Variants in CRYBG3 observed in about 807,000 individuals in gnomAD.
CRYBG3 encodes the protein very large A-kinase anchor protein.
In CRYBG3, 127 loss-of-function variants were observed where a neutral mutation model predicts 244.2. That is an observed-to-expected ratio of 0.52 (90% CI 0.45 to 0.60). The LOEUF is 0.60. Ranked by LOEUF, CRYBG3 falls within the 20% of genes least tolerant of loss-of-function variation. CRYBG3 has a pLI of 0.00. For missense variants in CRYBG3, 3,325 were observed against 3,442.5 expected (o/e 0.97, Z 0.85); for synonymous variants, 1,132 against 1,195.8 (o/e 0.95, Z 1.10).
intron 1 of CRYBG3, among the ~76,000 whole-genome samples, chr3:97,837,573 G>A (rs564498986): frequency 5.9e-5 from 9 of 152,234 alleles, no homozygotes; most frequent in East Asian, 1.9e-4. Flanking sequence ...AGTTTTGAGC[G>A]GGGTTGGAAA....
At chr3:97,840,455 G>A (rs1478862501) in intron 1 of CRYBG3, among the ~76,000 whole-genome samples, 2 of 152,054 alleles carry the variant, frequency 1.3e-5, no homozygotes, top group African/African-American at 4.8e-5. Flanking sequence ...ATTTCTTTTG[G>A]TGATTTTAAC....
chr3:97,912,372 A>G (rs1164774924), intron 16 of CRYBG3, 96 bp downstream of exon 16: 1 of 538,482 alleles, frequency 1.9e-6, no homozygotes, highest in East Asian at 3.3e-5. Flanking sequence ...TGAATCCTTA[A>G]AATTTATCTT....
intron 2 of CRYBG3, among the ~76,000 whole-genome samples, chr3:97,850,217 C>T (rs1396022496): frequency 6.6e-6 from 1 of 152,076 alleles, no homozygotes; most frequent in African/African-American, 2.4e-5. Flanking sequence ...CATCAACGGC[C>T]CTTCCTTCAT....
chr3:97,931,937 A>G, intron 17 of CRYBG3, among the ~76,000 whole-genome samples: 1 of 152,018 alleles, frequency 6.6e-6, no homozygotes, highest in East Asian at 1.9e-4. Context: ...TGTCAGACAG[A>G]TTGCCTGAAG....
intron 15 of CRYBG3, among the ~76,000 whole-genome samples, chr3:97,906,257 A>G (rs2039773787): frequency 7.7e-6 from 1 of 129,432 alleles, no homozygotes. Flanking sequence ...TGAACTTTAA[A>G]GTAGTTTTTT....
In CRYBG3 at chr3:97,871,891, C is replaced by G. The variant is rs1366714345; in HGVS notation, c.697C>G (p.Arg233Gly). The part of the protein sequence containing the change: ...EKPSVTYATY[R>G]GPRHIGKYLK... The stretch of plus-strand genomic sequence containing the variant: ...GCCTTCAGTAACATATGCAACATAT[C>G]GAGGCCCAAGACACATTGGGAAATA... Residue 233 changes from arginine (R) to glycine (G), a missense_variant, in exon 4 of 22, where the codon CGA becomes GGA. Physicochemically the swap from Arg to Gly is moderately radical, Grantham distance 125. Coordinates refer to ENST00000389622, the MANE Select transcript of CRYBG3 (RefSeq NM_153605.4). 2 of 1,530,080 alleles carry G rather than the reference C, an allele frequency of 1.3e-6. No individual in the cohort carries two copies. The highest frequency in any genetic ancestry group is 2.4e-5 in the East Asian group (1 of 40,884). The allele number at this position is 1,530,080 out of a possible 1,614,324, so 94.8% of individuals were successfully genotyped here.
At chr3:97,920,221 G>A (rs1476168779) in intron 17 of CRYBG3, among the ~76,000 whole-genome samples, 1 of 152,052 alleles carries the variant, frequency 6.6e-6, no homozygotes, top group African/African-American at 2.4e-5. Flanking sequence ...GAATTAGATG[G>A]CATAACAAAC....
intron 17 of CRYBG3, among the ~76,000 whole-genome samples, chr3:97,916,489 C>T (rs960707802): frequency 2.6e-5 from 4 of 152,140 alleles, no homozygotes; most frequent in African/African-American, 9.7e-5. Context: ...GGCCCCTAGT[C>T]AATAGGATCT....
At chr3:97,853,479 T>C (rs918956998) in intron 2 of CRYBG3, among the ~76,000 whole-genome samples, 8 of 151,966 alleles carry the variant, frequency 5.3e-5, no homozygotes, top group Non-Finnish European at 8.8e-5. Flanking sequence ...TTAGGCTGGT[T>C]CCATATTTTT....
At chr3:97,824,434 G>A (rs189756620) in intron 1 of CRYBG3, among the ~76,000 whole-genome samples, 1 of 152,278 alleles carries the variant, frequency 6.6e-6, no homozygotes, top group East Asian at 1.9e-4. Context: ...TATGAGACCC[G>A]TAAAAGTCGA....
At chr3:97,893,128 A>G in intron 11 of CRYBG3, 135 bp downstream of exon 11, 1 of 734,130 alleles carries the variant, frequency 1.4e-6, no homozygotes, top group Non-Finnish European at 2.2e-6. Context: ...GAAAGTAAAA[A>G]ATATTAGTTA....
rs1316557338 is a variant in CRYBG3 at position 97,889,407 on chromosome 3, T to C, written c.7440+17T>C. On this transcript the variant is annotated intron_variant, in intron 10 of 21. Coordinates refer to ENST00000389622, the MANE Select transcript of CRYBG3 (RefSeq NM_153605.4). ...AACTTAAAGGTAAGTCTTGGACTGA[T>C]TTTTGTAGCAGGCTAAAGAGTCTCA... 1 of 1,597,994 alleles carries C rather than the reference T, an allele frequency of 6.3e-7. No homozygotes were observed. Among genetic ancestry groups the C allele is most frequent in the South Asian group, 1.1e-5 (1 of 90,592 alleles).
At chr3:97,878,074 T>C (rs577826929) in intron 4 of CRYBG3, 37 bp downstream of exon 4, 1 of 1,517,890 alleles carries the variant, frequency 6.6e-7, no homozygotes, top group African/African-American at 1.4e-5. Context: ...TAATAGTTAT[T>C]AAAGCTTTGG....
intron 1 of CRYBG3, among the ~76,000 whole-genome samples, chr3:97,828,041 A>ATT (rs2038601648): frequency 6.6e-6 from 1 of 152,200 alleles, no homozygotes; most frequent in Admixed American, 6.5e-5. Context: ...AAATGCACAC[A>ATT]TTTATGCAGG....
rs529146889 is a variant in CRYBG3, at chr3:97,877,204, G to A, written c.6010G>A (p.Glu2004Lys). ...AAATTCTTCCTTTACTATATTATAC[G>A]AAGAGCCCCTTCAAGAGGAGGACAA... ...QENSSFTILY[E>K]EPLQEEDKYA... Residue 2004 changes from glutamate (E) to lysine (K), a missense_variant, in exon 4 of 22, where the codon GAA becomes AAA. By Grantham distance (56) the Glu-to-Lys change is moderately conservative. Transcript: ENST00000389622. The A allele has an allele frequency of 4.3e-6, 7 of 1,613,782 alleles. No homozygotes were observed. In the South Asian group the frequency reaches 4.4e-5, roughly 10 times the overall value.
intron 8 of CRYBG3, among the ~76,000 whole-genome samples, chr3:97,887,787 A>G (rs963943571): frequency 1.3e-5 from 2 of 152,032 alleles, no homozygotes; most frequent in African/African-American, 2.4e-5. Flanking sequence ...AAAACAAAAA[A>G]CAACTTTGGG....
chr3:97,917,125 A>T (rs1575964278), intron 17 of CRYBG3, among the ~76,000 whole-genome samples: 1 of 152,140 alleles, frequency 6.6e-6, no homozygotes, highest in Non-Finnish European at 1.5e-5. Flanking sequence ...AAACCAACAA[A>T]ATTTCTAGGG....
At chr3:97,896,739 T>C (rs2039644584) in intron 12 of CRYBG3, among the ~76,000 whole-genome samples, 2 of 152,214 alleles carry the variant, frequency 1.3e-5, no homozygotes, top group Non-Finnish European at 2.9e-5. Flanking sequence ...GCAGTGGTGC[T>C]ACTGACATCT....
At position 97,888,473 on chromosome 3, in the gene CRYBG3, G is replaced by T. The variant is rs1373521825; in HGVS notation, c.7404+18G>T. 6.7e-7 allele frequency: 1 copy of T among 1,491,898 alleles called. No homozygotes were observed. The highest frequency in any genetic ancestry group is 1.7e-5 in the Admixed American group (1 of 59,118). The allele number at this position is 1,491,898 out of a possible 1,614,324, so 92.4% of individuals were successfully genotyped here. A position where few individuals can be genotyped will look rare whatever the true frequency, so the allele number is the denominator to read the frequency against. On this transcript the variant is annotated intron_variant, in intron 9 of 21. Coordinates refer to ENST00000389622, the MANE Select transcript of CRYBG3 (RefSeq NM_153605.4). ...TTCAAATGGTAAGCAAATTTAAAAA[G>T]AAGCATTCCTTTTCCCAAGTACCCA...
Sources: allele counts gnomAD v4.1 joint callset (sites outside exome capture counted in the v4.1 genomes callset), GRCh38; gene constraint gnomAD v4.1.1; transcripts MANE v1.5; gene names NCBI Gene and HGNC (gene_info 2026-07-23, HGNC 2026-07-21).